The following ECPAS variants were observed in gnomAD, a reference collection of about 807,000 sequenced individuals.
ECPAS encodes proteasome adapter and scaffold protein ECM29.
Under a neutral mutation model 255.1 loss-of-function variants are expected in ECPAS, and 70 were observed. The observed-to-expected ratio is 0.27, with a 90% confidence interval of 0.23 to 0.33. The LOEUF (loss-of-function observed/expected upper bound fraction) is 0.33. ECPAS is among the 10% of genes least tolerant of loss of function. The pLI is 1.00. For missense variants in ECPAS, 1,817 were observed against 2,206.4 expected (o/e 0.82, Z 3.54); for synonymous variants, 784 against 775.0 (o/e 1.01, Z -0.19).
chr9:111,423,155 T>G, intron 13 of ECPAS, 44 bp downstream of exon 13: 1 of 1,362,722 alleles, frequency 7.3e-7, no homozygotes, highest in Non-Finnish European at 1.0e-6. Context: ...AATTTTTCTC[T>G]GTTTACCAAC....
chr9:111,398,154 A>C (rs2098170354), intron 24 of ECPAS, among the ~76,000 whole-genome samples: 1 of 152,234 alleles, frequency 6.6e-6, no homozygotes, highest in African/African-American at 2.4e-5. Context: ...TACGCCAATC[A>C]ACAAACGCTC....
intron 1 of ECPAS, among the ~76,000 whole-genome samples, chr9:111,481,165 TTGG>T (rs1564574543): frequency 6.6e-6 from 1 of 152,202 alleles, no homozygotes; most frequent in African/African-American, 2.4e-5. Flanking sequence ...CTGTGTATTG[TTGG>T]TGGTAATGTA....
intron 11 of ECPAS, 86 bp downstream of exon 11, chr9:111,425,657 G>A: frequency 1.0e-6 from 1 of 985,546 alleles, no homozygotes; most frequent in East Asian, 2.5e-5. Flanking sequence ...TTTCTTTCTA[G>A]GTAAGATGAG....
intron 7 of ECPAS, among the ~76,000 whole-genome samples, chr9:111,435,984 G>A (rs1215441123): frequency 2.0e-5 from 3 of 149,540 alleles, no homozygotes; most frequent in African/African-American, 2.5e-5. Flanking sequence ...CACTGCGCCC[G>A]GCCTCTGTTA....
intron 2 of ECPAS, among the ~76,000 whole-genome samples, chr9:111,467,260 G>C (rs1026247851): frequency 5.9e-5 from 9 of 152,084 alleles, no homozygotes; most frequent in Non-Finnish European, 7.4e-5. Context: ...GAAGAGAAGA[G>C]AGAAGAGAAG....
At chr9:111,484,052 CGGCCTAACCGCGCCGCCGCGCGCGCAG>C in intron 1 of ECPAS, 37 bp downstream of exon 1, 3 of 1,104,222 alleles carry the variant, frequency 2.7e-6, no homozygotes, top group Non-Finnish European at 3.3e-6. Flanking sequence ...GCGGGCGGCC[CGGCCTAACCGCGCCGCCGCGCGCGCAG>C]GGCCAGTCCC....
At chr9:111,420,154 G>T in intron 15 of ECPAS, 34 bp from the exon 16 acceptor site, 1 of 1,433,152 alleles carries the variant, frequency 7.0e-7, no homozygotes, top group Non-Finnish European at 9.7e-7. Context: ...AGACCACCCC[G>T]ATCCGAAAAA....
chr9:111,458,428 C>A (rs1307466734), intron 2 of ECPAS, among the ~76,000 whole-genome samples: 1 of 152,118 alleles, frequency 6.6e-6, no homozygotes, highest in African/African-American at 2.4e-5. Context: ...TTGGGATTTC[C>A]CCAGTAACTG....
chr9:111,481,362 C>A (rs1015308097), intron 1 of ECPAS, among the ~76,000 whole-genome samples: 4 of 152,034 alleles, frequency 2.6e-5, no homozygotes, highest in Admixed American at 2.6e-4. Flanking sequence ...AAAAATTAGC[C>A]GGGCGTGGTG....
chr9:111,410,060 G>A lies in ECPAS; in HGVS notation c.2531C>T (p.Ser844Phe). Residue 844 changes from serine (S) to phenylalanine (F), a missense_variant, in exon 23 of 50, where the codon TCC (serine) becomes TTC (phenylalanine). Ser to Phe is a radical substitution (Grantham distance 155). This residue lies in a region of ECPAS where 194 missense variants were observed against 152.8 expected (regional missense o/e 1.27). Transcript: ENST00000684092. ...LVESLLSRIPSSKETNKMKER... is the reference protein window; with the variant it reads ...LVESLLSRIPFSKETNKMKER... The stretch of plus-strand genomic sequence containing the variant: ...ACTTACCTTATTTGTTTCTTTACTG[G>A]AAGGTATTCTACTTAGTAAGCTTTC... 6.4e-7 allele frequency: 1 copy of A among 1,567,546 alleles called. No homozygotes were observed. Among genetic ancestry groups the A allele is most frequent in the Middle Eastern group, 1.7e-4 (1 of 6,004 alleles).
intron 23 of ECPAS, among the ~76,000 whole-genome samples, chr9:111,409,317 C>T (rs1260258920): frequency 6.6e-6 from 1 of 152,078 alleles, no homozygotes; most frequent in Non-Finnish European, 1.5e-5. Context: ...CCAGCACTTT[C>T]GGAAGCCGAG....
At chr9:111,436,215 TCATTTAGACTGC>T (rs2098237987) in intron 7 of ECPAS, among the ~76,000 whole-genome samples, 1 of 152,118 alleles carries the variant, frequency 6.6e-6, no homozygotes, top group African/African-American at 2.4e-5. Flanking sequence ...AGGGATCAAA[TCATTTAGACTGC>T]CATGGAGAAA....
chr9:111,397,409 T>C (rs1346158317), intron 24 of ECPAS, among the ~76,000 whole-genome samples: 1 of 152,206 alleles, frequency 6.6e-6, no homozygotes, highest in East Asian at 1.9e-4. Context: ...TAAGCAGTGA[T>C]TTATGATCTC....
chr9:111,374,213 T>G (rs1020457752), intron 38 of ECPAS, among the ~76,000 whole-genome samples, 175 bp from the exon 39 acceptor site: 2 of 152,196 alleles, frequency 1.3e-5, no homozygotes, highest in Admixed American at 1.3e-4. Flanking sequence ...GCGATTTTTT[T>G]TAAACCTCCA....
At chr9:111,451,030 C>T (rs1297260394) in intron 3 of ECPAS, among the ~76,000 whole-genome samples, 1 of 152,106 alleles carries the variant, frequency 6.6e-6, no homozygotes, top group Non-Finnish European at 1.5e-5. Context: ...AATTATTTTG[C>T]TTAAATTTTT....
intron 12 of ECPAS, among the ~76,000 whole-genome samples, chr9:111,423,499 A>G (rs1336955540): frequency 6.6e-6 from 1 of 152,214 alleles, no homozygotes; most frequent in Non-Finnish European, 1.5e-5. Context: ...TCGCTCCAAA[A>G]AGAAAATGCA....
Position 111,384,582 on chromosome 9 carries a change from A to C in ECPAS, c.3634-13T>G, listed in dbSNP as rs745730420. 2 of 1,612,940 alleles carry C rather than the reference A, an allele frequency of 1.2e-6. No individual in the cohort carries two copies. The highest frequency in any genetic ancestry group is 1.7e-6 in the Non-Finnish European group (2 of 1,179,128). ...TTCGTACAGATTCCTAAAAATGACA[A>C]AAGTGTGACATCATACAAGTTAGAG... On this transcript the variant is annotated splice_polypyrimidine_tract_variant and intron_variant, in intron 33 of 49. Transcript: ENST00000684092.
At chr9:111,433,970 C>G (rs2098233898) in intron 7 of ECPAS, among the ~76,000 whole-genome samples, 9 of 152,140 alleles carry the variant, frequency 5.9e-5, no homozygotes, top group Admixed American at 5.9e-4. Flanking sequence ...TGAAATGAAA[C>G]AGACTAGAGA....
intron 25 of ECPAS, among the ~76,000 whole-genome samples, chr9:111,394,513 A>G (rs780465546): frequency 2.6e-5 from 4 of 152,178 alleles, no homozygotes; most frequent in Non-Finnish European, 4.4e-5. Context: ...GTACTCGAGT[A>G]ACTTTTTAGT....
Sources: gnomAD v4.1 joint callset for allele counts (sites outside exome capture counted in the v4.1 genomes callset) on GRCh38, gnomAD v4.1.1 for gene constraint, gnomAD v4.1.1 regional missense constraint, MANE v1.5 for transcripts, NCBI Gene and HGNC (gene_info 2026-07-23, HGNC 2026-07-21) for gene names.